ADGRL3: variants seen among roughly 807,000 people sequenced by gnomAD.
The protein encoded by ADGRL3 is calcium-independent alpha-latrotoxin receptor 3.
A neutral mutation model predicts 153.5 loss-of-function variants in ADGRL3; 62 were observed. That is an observed-to-expected ratio of 0.40 (90% CI 0.33 to 0.50). The LOEUF (loss-of-function observed/expected upper bound fraction) is 0.50. Ranked by LOEUF, ADGRL3 falls within the 20% of genes least tolerant of loss-of-function variation. ADGRL3 has a pLI of 0.47. For missense variants in ADGRL3, 1,641 were observed against 1,859.4 expected, an observed-to-expected ratio of 0.88 and a Z score of 2.16; for synonymous variants, 710 against 672.5, an observed-to-expected ratio of 1.06 and a Z score of -0.86.
chr4:61,624,234 T>C (rs1168883106), intron 5 of ADGRL3, among the ~76,000 whole-genome samples: 2 of 152,294 alleles, frequency 1.3e-5, no homozygotes, highest in Non-Finnish European at 1.5e-5. Flanking sequence ...TGAAGAGATA[T>C]GGCTGTAGAG....
At chr4:61,484,126 T>G (rs776359647) in intron 2 of ADGRL3, among the ~76,000 whole-genome samples, 23 of 150,788 alleles carry the variant, frequency 1.5e-4, no homozygotes, top group Admixed American at 5.3e-4. Context: ...TCTCACAACC[T>G]TTTGCTAAGT....
intron 4 of ADGRL3, among the ~76,000 whole-genome samples, chr4:61,526,976 A>G (rs2098566875): frequency 6.6e-6 from 1 of 152,122 alleles, no homozygotes; most frequent in Non-Finnish European, 1.5e-5. Flanking sequence ...TGGCCGAAAT[A>G]TTTGTCATGA....
intron 1 of ADGRL3, among the ~76,000 whole-genome samples, chr4:61,312,978 T>C (rs35602443): frequency 0.034 from 5,119 of 152,266 alleles, 121 homozygotes; most frequent in Non-Finnish European, 0.052. Context: ...CCAAGATATC[T>C]TTCAATAAGT....
In ADGRL3 at chr4:62,075,322, A is replaced by G. The variant is rs1353499076; in HGVS notation, c.*4414A>G. The G allele has an allele frequency of 1.3e-5, 2 of 152,102 alleles. No individual in the cohort carries two copies. The highest frequency in any genetic ancestry group is 2.4e-5 in the African/African-American group (1 of 41,404). The allele number at this position is 152,102 out of a possible 1,614,324, so 9.4% of individuals were successfully genotyped here. ...TGTCTCAGCCTTCTGCGTAGCCATG[A>G]TCACAGGTTTGAGCCACAGCACTTG... On this transcript the variant is annotated 3_prime_UTR_variant, in exon 27 of 27. Coordinates refer to ENST00000683033, the MANE Select transcript of ADGRL3 (RefSeq NM_001387552.1).
rs919900183 is a variant in ADGRL3 at position 61,772,232 on chromosome 4, A to C, written c.1399+38678A>C. On this transcript the variant is annotated intron_variant, in intron 8 of 26. Coordinates refer to ENST00000683033, the MANE Select transcript of ADGRL3 (RefSeq NM_001387552.1). The stretch of plus-strand genomic sequence containing the variant: ...CTGAATTTGGAAAGGACTGGATAGG[A>C]AAAAAAATCTTACCTTCCCTCTCCA... Among the ~76,000 whole-genome samples the C allele has an allele frequency of 4.6e-5, 7 of 152,058 alleles. No individual in the cohort carries two copies. In the East Asian group the frequency reaches 1.2e-3, roughly 25 times the overall value.
intron 5 of ADGRL3, among the ~76,000 whole-genome samples, chr4:61,622,560 GGAA>G (rs138660364): frequency 0.017 from 2,594 of 151,996 alleles, 67 homozygotes; most frequent in African/African-American, 0.054. Flanking sequence ...AGAAGGAGGA[GGAA>G]GAAGAAGAGA....
At chr4:61,589,987 G>A (rs1421907930) in intron 5 of ADGRL3, among the ~76,000 whole-genome samples, 8 of 151,978 alleles carry the variant, frequency 5.3e-5, no homozygotes, top group Admixed American at 1.3e-4. Context: ...CTCCAATCAC[G>A]TGTGCTCTCA....
chr4:62,057,844 A>T (rs953252775), intron 25 of ADGRL3, among the ~76,000 whole-genome samples: 1 of 151,732 alleles, frequency 6.6e-6, no homozygotes, highest in African/African-American at 2.4e-5. Flanking sequence ...CGCCTGGCCA[A>T]TTTTTTTGTA....
intron 21 of ADGRL3, among the ~76,000 whole-genome samples, chr4:62,008,350 C>A (rs952750904): frequency 5.9e-5 from 9 of 152,084 alleles, no homozygotes; most frequent in African/African-American, 7.2e-5. Context: ...TGTATGGCAT[C>A]TGGCATCTAC....
At chr4:61,440,328 G>A (rs577382378) in intron 2 of ADGRL3, among the ~76,000 whole-genome samples, 19 of 152,268 alleles carry the variant, frequency 1.2e-4, no homozygotes, top group African/African-American at 3.4e-4. Flanking sequence ...GATTACAGGC[G>A]TGAGCCACTG....
At chr4:61,272,831 G>T (rs2149812960) in intron 1 of ADGRL3, among the ~76,000 whole-genome samples, 1 of 152,250 alleles carries the variant, frequency 6.6e-6, no homozygotes, top group Non-Finnish European at 1.5e-5. Context: ...TGATATTCCT[G>T]TATAAAACAT....
At chr4:61,329,246 A>C (rs891832672) in intron 1 of ADGRL3, among the ~76,000 whole-genome samples, 2 of 152,208 alleles carry the variant, frequency 1.3e-5, no homozygotes, top group African/African-American at 4.8e-5. Flanking sequence ...AAGTAAAACA[A>C]GATTTATAAT....
intron 2 of ADGRL3, among the ~76,000 whole-genome samples, chr4:61,409,189 T>TAA (rs992417712): frequency 6.9e-6 from 1 of 144,968 alleles, no homozygotes; most frequent in African/African-American, 2.5e-5. Flanking sequence ...ATTATATATA[T>TAA]AATATATATT....
At chr4:61,797,729 A>G (rs2097431766) in intron 8 of ADGRL3, among the ~76,000 whole-genome samples, 1 of 43,288 alleles carries the variant, frequency 2.3e-5, no homozygotes, top group Non-Finnish European at 4.3e-5. Flanking sequence ...ACCCAACAAC[A>G]TATTTTCTTT....
At chr4:62,054,982 AT>A (rs1736236531) in intron 25 of ADGRL3, among the ~76,000 whole-genome samples, 1 of 151,758 alleles carries the variant, frequency 6.6e-6, no homozygotes, top group South Asian at 2.1e-4. Flanking sequence ...CCTAGCAAGA[AT>A]TTGAGAGAAT....
intron 6 of ADGRL3, among the ~76,000 whole-genome samples, chr4:61,728,655 C>T (rs2096388796): frequency 6.6e-6 from 1 of 152,034 alleles, no homozygotes; most frequent in Non-Finnish European, 1.5e-5. Context: ...GTCTCTGTCT[C>T]TGTATTTATC....
At chr4:61,561,240 C>T (rs1031579503) in intron 4 of ADGRL3, among the ~76,000 whole-genome samples, 9 of 152,244 alleles carry the variant, frequency 5.9e-5, no homozygotes, top group African/African-American at 2.2e-4. Flanking sequence ...CATTATTTAA[C>T]AATGCCATTT....
At chr4:61,276,036 A>G (rs1304295951) in intron 1 of ADGRL3, among the ~76,000 whole-genome samples, 1 of 152,208 alleles carries the variant, frequency 6.6e-6, no homozygotes, top group Admixed American at 6.5e-5. Context: ...CCCAAAACAG[A>G]AAGACGGGAG....
intron 4 of ADGRL3, among the ~76,000 whole-genome samples, chr4:61,582,509 G>T (rs1404676724): frequency 2.6e-5 from 4 of 151,976 alleles, no homozygotes; most frequent in African/African-American, 7.2e-5. Context: ...ACTTGCAAAA[G>T]ATATGATCTC....
Sources: allele counts gnomAD v4.1 joint callset (sites outside exome capture counted in the v4.1 genomes callset), GRCh38; gene constraint gnomAD v4.1.1; transcripts MANE v1.5; gene names NCBI Gene and HGNC (gene_info 2026-07-23, HGNC 2026-07-21).